The following TAFA2 variants were observed in gnomAD, a reference collection of about 807,000 sequenced individuals.
TAFA2 encodes the protein chemokine-like protein TAFA-2.
In TAFA2, 7 loss-of-function variants were observed where a neutral mutation model predicts 18.8. The ratio of observed to expected loss-of-function variants is 0.37; its 90% confidence interval spans 0.21 to 0.70. The LOEUF is 0.70. Among genes scored for constraint, TAFA2 ranks in the 30% least tolerant of loss-of-function variants. TAFA2 has a pLI of 0.53. For synonymous variants in TAFA2, 60 were observed against 54.2 expected, an observed-to-expected ratio of 1.11 and a Z score of -0.47; for missense variants, 122 against 158.1, an observed-to-expected ratio of 0.77 and a Z score of 1.23.
chr12:62,113,143 C>T (rs1384005551), intron 1 of TAFA2, among the ~76,000 whole-genome samples: 1 of 152,090 alleles, frequency 6.6e-6, no homozygotes, highest in East Asian at 1.9e-4. Flanking sequence ...TCTTTGATGT[C>T]AGTGATCTTC....
chr12:61,819,839 A>G (rs1166830856), intron 2 of TAFA2, among the ~76,000 whole-genome samples: 1 of 152,100 alleles, frequency 6.6e-6, no homozygotes, highest in East Asian at 1.9e-4. Flanking sequence ...GCCCATTCCC[A>G]TGCAATTTTA....
At chr12:61,747,890 G>C (rs1868807631) in intron 4 of TAFA2, among the ~76,000 whole-genome samples, 1 of 150,874 alleles carries the variant, frequency 6.6e-6, no homozygotes, top group African/African-American at 2.4e-5. Context: ...AAAAAAAAAA[G>C]AAATTTTTAG....
intron 2 of TAFA2, among the ~76,000 whole-genome samples, chr12:61,790,573 G>A (rs2120924297): frequency 6.6e-6 from 1 of 151,848 alleles, no homozygotes; most frequent in Non-Finnish European, 1.5e-5. Flanking sequence ...TGCATTAGTA[G>A]TGAATTATCT....
chr12:62,141,923 G>A (rs796675651), intron 1 of TAFA2, among the ~76,000 whole-genome samples: 1 of 152,140 alleles, frequency 6.6e-6, no homozygotes, highest in Non-Finnish European at 1.5e-5. Flanking sequence ...TCTTCCTATG[G>A]AAATGCATTG....
At chr12:61,904,462 G>A (rs1054905958) in intron 1 of TAFA2, among the ~76,000 whole-genome samples, 1 of 152,090 alleles carries the variant, frequency 6.6e-6, no homozygotes, top group Non-Finnish European at 1.5e-5. Flanking sequence ...TATTCTTGGA[G>A]CAACCACTCT....
intron 2 of TAFA2, among the ~76,000 whole-genome samples, chr12:61,856,009 A>C (rs1873868101): frequency 6.6e-6 from 1 of 151,994 alleles, no homozygotes; most frequent in Non-Finnish European, 1.5e-5. Flanking sequence ...AAGACACAAA[A>C]CCCATGTCTA....
intron 2 of TAFA2, among the ~76,000 whole-genome samples, chr12:61,824,452 A>C (rs1409696530): frequency 6.6e-6 from 1 of 152,168 alleles, no homozygotes; most frequent in East Asian, 1.9e-4. Flanking sequence ...TCATTCCCAC[A>C]TTTTGTATAG....
chr12:61,991,168 G>C lies in TAFA2; in HGVS notation c.-1-123742C>G, dbSNP rs937906018. The stretch of plus-strand genomic sequence containing the variant: ...GCCTAGGAAAAGTTGCTTAATATCT[G>C]TGCCTCAGTTTCCTTACCGTCAAAA... On this transcript the variant is annotated intron_variant, in intron 1 of 4. Coordinates refer to ENST00000416284, the MANE Select transcript of TAFA2 (RefSeq NM_178539.5). 3.4e-4 allele frequency among the ~76,000 whole-genome samples: 52 copies of C among 152,130 alleles called. 1 individual carries two copies. The highest frequency in any genetic ancestry group is 1.0e-4 in the Non-Finnish European group (7 of 68,022).
chr12:61,890,206 T>C (rs1400123295), intron 1 of TAFA2: 2 of 152,366 alleles, frequency 1.3e-5, no homozygotes, highest in East Asian at 3.9e-4. Flanking sequence ...CTTCCAGAGA[T>C]AAGGTCACTT....
At chr12:61,831,855 G>C (rs7963596) in intron 2 of TAFA2, among the ~76,000 whole-genome samples, 44,741 of 151,640 alleles carry the variant, frequency 0.3, 7,078 homozygotes, top group South Asian at 0.4. Flanking sequence ...CTCCCCTCCC[G>C]CTACCCCACG....
intron 1 of TAFA2, among the ~76,000 whole-genome samples, chr12:62,153,925 T>TGTTATGTTATGTTAC (rs1199201239): frequency 1.7e-4 from 23 of 132,114 alleles, no homozygotes; most frequent in Admixed American, 1.7e-3. Context: ...AACAAAATTA[T>TGTTATGTTATGTTAC]GTTATGTTAT....
At chr12:62,186,476 C>G (rs188466735) in intron 1 of TAFA2, among the ~76,000 whole-genome samples, 160 of 152,260 alleles carry the variant, frequency 1.1e-3, no homozygotes, top group Non-Finnish European at 1.9e-3. Context: ...TTCAGCCTAT[C>G]ACCGTAATTG....
intron 1 of TAFA2, among the ~76,000 whole-genome samples, chr12:62,180,260 C>A (rs1195448308): frequency 1.3e-5 from 2 of 152,090 alleles, no homozygotes; most frequent in Non-Finnish European, 1.5e-5. Context: ...TCAATAAGTA[C>A]CACCGTAGCC....
chr12:61,712,061 AAAAGATGGAGAGAGGAAATTGAGAGAG>A (rs1246607750), intron 4 of TAFA2, among the ~76,000 whole-genome samples: 1 of 152,084 alleles, frequency 6.6e-6, no homozygotes, highest in East Asian at 1.9e-4. Context: ...GTGTGTGTGT[AAAAGATGGAGAGAGGAAATTGAGAGAG>A]AAAGAGAGAG....
intron 2 of TAFA2, among the ~76,000 whole-genome samples, chr12:61,803,537 A>T (rs1871481794): frequency 6.6e-6 from 1 of 151,972 alleles, no homozygotes; most frequent in Non-Finnish European, 1.5e-5. Flanking sequence ...ATAATTGTAC[A>T]GCTTATGGAT....
At chr12:62,021,915 C>G in intron 1 of TAFA2, 1 of 741,672 alleles carries the variant, frequency 1.3e-6, no homozygotes. Flanking sequence ...TGGCCCCACT[C>G]TCCATGATGA....
At chr12:61,918,706 T>G (rs1252526881) in intron 1 of TAFA2, among the ~76,000 whole-genome samples, 1 of 152,164 alleles carries the variant, frequency 6.6e-6, no homozygotes, top group Non-Finnish European at 1.5e-5. Flanking sequence ...GGTAGTTCTA[T>G]TTTTAGTTTT....
intron 1 of TAFA2, among the ~76,000 whole-genome samples, chr12:62,187,530 T>C (rs1237105733): frequency 6.6e-6 from 1 of 152,322 alleles, no homozygotes; most frequent in Middle Eastern, 3.4e-3. Flanking sequence ...CATATATGTA[T>C]AGATACAGAG....
chr12:62,212,699 A>C (rs1160808224), intron 1 of TAFA2, among the ~76,000 whole-genome samples: 1 of 152,226 alleles, frequency 6.6e-6, no homozygotes, highest in African/African-American at 2.4e-5. Context: ...AAAGGTACTA[A>C]TAAAAGCGAA....
Sources: gnomAD v4.1 joint callset for allele counts (sites outside exome capture counted in the v4.1 genomes callset) on GRCh38, gnomAD v4.1.1 for gene constraint, MANE v1.5 for transcripts, NCBI Gene and HGNC (gene_info 2026-07-23, HGNC 2026-07-21) for gene names.